Variants in DHRSX observed in about 807,000 individuals in gnomAD.
DHRSX encodes the protein dehydrogenase/reductase X-linked.
DHRSX carries 31 observed loss-of-function variants against 34.0 expected under a neutral mutation model. That is an observed-to-expected ratio of 0.91 (90% CI 0.69 to 1.23). DHRSX has a LOEUF of 1.23. Ranked by LOEUF, DHRSX falls within the 50% of genes most tolerant of loss-of-function variation. The probability of loss-of-function intolerance (pLI) is 0.00; values close to 1 mark genes in which losing one functional copy is unlikely to be tolerated. For synonymous variants in DHRSX, 201 were observed against 183.8 expected (o/e 1.09, Z -0.76); for missense variants, 414 against 428.1 (o/e 0.97, Z 0.29).
intron 1 of DHRSX, among the ~76,000 whole-genome samples, chrX:2,429,644 T>TG (rs2043893361): frequency 6.6e-6 from 1 of 151,756 alleles, no homozygotes; most frequent in Non-Finnish European, 1.5e-5. Context: ...TTTGTAAAGA[T>TG]GGGGTCTTGC....
chrX:2,223,068 T>C lies in DHRSX; in HGVS notation c.805-1839A>G, dbSNP rs192855605. Among the ~76,000 whole-genome samples, 182 of 152,212 alleles carry C rather than the reference T, an allele frequency of 1.2e-3. 1 individual carries two copies. In the Middle Eastern group the frequency reaches 0.014, roughly 11 times the overall value. On this transcript the variant is annotated intron_variant, in intron 6 of 6. Coordinates refer to ENST00000334651, the MANE Select transcript of DHRSX (RefSeq NM_145177.3). ...GAAATCACCTAGGGGTGCCCAGAGA[T>C]CTTGCAAACCCAAAGTGTCCTGGGA...
chrX:2,361,880 C>G (rs2042938304), intron 3 of DHRSX, among the ~76,000 whole-genome samples: 1 of 152,160 alleles, frequency 6.6e-6, no homozygotes, highest in Admixed American at 6.5e-5. Context: ...GCAAGCATTT[C>G]ATTTTCTTTT....
chrX:2,245,236 C>T (rs952143939), intron 5 of DHRSX, among the ~76,000 whole-genome samples: 1 of 152,136 alleles, frequency 6.6e-6, no homozygotes, highest in Non-Finnish European at 1.5e-5. Flanking sequence ...AAGAATGTAA[C>T]CATCTGTGTC....
intron 1 of DHRSX, among the ~76,000 whole-genome samples, chrX:2,476,101 C>T (rs2044674197): frequency 6.6e-6 from 1 of 152,116 alleles, no homozygotes; most frequent in African/African-American, 2.4e-5. Flanking sequence ...GGAAAGAAAA[C>T]AGACAGCTGG....
chrX:2,392,413 G>A (rs2043345241), intron 3 of DHRSX: 1 of 290,410 alleles, frequency 3.4e-6, no homozygotes, highest in Non-Finnish European at 6.9e-6. Flanking sequence ...AGGCTGAGGT[G>A]GGAGGATCGC....
chrX:2,253,437 T>TGTGGC (rs2016487797), intron 5 of DHRSX, among the ~76,000 whole-genome samples: 13 of 70,666 alleles, frequency 1.8e-4, no homozygotes, highest in African/African-American at 3.4e-4. Context: ...AGCCAAGATG[T>TGTGGC]CGCGGCCGCA....
intron 4 of DHRSX, among the ~76,000 whole-genome samples, chrX:2,267,441 A>T (rs1168276617): frequency 6.6e-6 from 1 of 151,418 alleles, no homozygotes; most frequent in Non-Finnish European, 1.5e-5. Context: ...GCTACTCAGG[A>T]GGCTGAGGCA....
chrX:2,493,688 C>T (rs2045214846), intron 1 of DHRSX, among the ~76,000 whole-genome samples: 1 of 152,010 alleles, frequency 6.6e-6, no homozygotes, highest in Non-Finnish European at 1.5e-5. Flanking sequence ...TTTATGCTGG[C>T]ACCAGGCACA....
At chrX:2,230,107 G>T (rs2015838455) in intron 6 of DHRSX, among the ~76,000 whole-genome samples, 1 of 151,996 alleles carries the variant, frequency 6.6e-6, no homozygotes, top group Non-Finnish European at 1.5e-5. Flanking sequence ...GCATGTGAAG[G>T]TGTGTGTGCA....
chrX:2,481,160 G>T (rs771339799), intron 1 of DHRSX, among the ~76,000 whole-genome samples: 1 of 152,090 alleles, frequency 6.6e-6, no homozygotes, highest in Non-Finnish European at 1.5e-5. Context: ...AAAACATCAC[G>T]TCGTACCTCC....
chrX:2,302,391 C>T (rs187132456), intron 3 of DHRSX, among the ~76,000 whole-genome samples: 2 of 152,224 alleles, frequency 1.3e-5, no homozygotes, highest in South Asian at 2.1e-4. Context: ...GCGGGCGGAT[C>T]GCTTGAGGTC....
chrX:2,233,676 G>T (rs1235448341), intron 6 of DHRSX, among the ~76,000 whole-genome samples: 1 of 152,070 alleles, frequency 6.6e-6, no homozygotes, highest in African/African-American at 2.4e-5. Context: ...CAGCTCTTGG[G>T]GCAAAGGAAG....
intron 5 of DHRSX, chrX:2,261,332 T>G (rs192047462): frequency 6.6e-6 from 1 of 152,324 alleles, no homozygotes; most frequent in East Asian, 1.9e-4. Context: ...AATATATGCT[T>G]CCTCAGCTTT....
chrX:2,241,751 A>G (rs73183471), intron 6 of DHRSX, among the ~76,000 whole-genome samples: 4 of 152,078 alleles, frequency 2.6e-5, no homozygotes, highest in African/African-American at 4.8e-5. Flanking sequence ...TCTACTAAAA[A>G]TACAAAATTA....
chrX:2,233,115 G>A (rs2015935348), intron 6 of DHRSX, among the ~76,000 whole-genome samples: 1 of 152,138 alleles, frequency 6.6e-6, no homozygotes, highest in Non-Finnish European at 1.5e-5. Flanking sequence ...GGTGGCCCAC[G>A]AAGACTAAGA....
chrX:2,243,332 G>A (rs1459121032), intron 5 of DHRSX, 102 bp from the exon 6 acceptor site: 6 of 966,858 alleles, frequency 6.2e-6, no homozygotes, highest in East Asian at 5.1e-5. Flanking sequence ...ACGTCTATAC[G>A]CAGCCACCTC....
At chrX:2,370,590 G>GAAAAAAAAAAAAAAAAAAAAAAAAAA (rs59435030) in intron 3 of DHRSX, among the ~76,000 whole-genome samples, 1 of 132,696 alleles carries the variant, frequency 7.5e-6, no homozygotes, top group African/African-American at 3.0e-5. Context: ...TGGTTTTACT[G>GAAAAAAAAAAAAAAAAAAAAAAAAAA]AAAAAAAAAA....
At chrX:2,242,667 C>T (rs1212148062) in intron 6 of DHRSX, among the ~76,000 whole-genome samples, 4 of 152,092 alleles carry the variant, frequency 2.6e-5, no homozygotes, top group African/African-American at 9.7e-5. Context: ...GCTGTCGTGA[C>T]GGCTACATTC....
At chrX:2,491,945 T>C (rs2045159035) in intron 1 of DHRSX, among the ~76,000 whole-genome samples, 1 of 152,206 alleles carries the variant, frequency 6.6e-6, no homozygotes, top group East Asian at 1.9e-4. Context: ...CCTCTGTGAC[T>C]GGGTTGCCCA....
Sources: allele counts gnomAD v4.1 joint callset (sites outside exome capture counted in the v4.1 genomes callset), GRCh38; gene constraint gnomAD v4.1.1; transcripts MANE v1.5; gene names NCBI Gene and HGNC (gene_info 2026-07-23, HGNC 2026-07-21).